Variants in LRBA observed in about 807,000 individuals in gnomAD.
LRBA encodes LPS responsive beige-like anchor protein.
In LRBA, 176 loss-of-function variants were observed where a neutral mutation model predicts 330.0. The observed-to-expected ratio is 0.53, with a 90% CI of 0.47 to 0.60. LRBA has a LOEUF of 0.60. Among genes scored for constraint, LRBA ranks in the 20% least tolerant of loss-of-function variants. The pLI is 0.00. For synonymous variants in LRBA, 1,230 were observed against 1,193.0 expected, an observed-to-expected ratio of 1.03 and a Z score of -0.64; for missense variants, 3,259 against 3,444.8, an observed-to-expected ratio of 0.95 and a Z score of 1.35.
chr4:150,914,192 T>C lies in LRBA; in HGVS notation c.1161+3A>G. 6.2e-7 allele frequency: 1 copy of C among 1,600,938 alleles called. No individual in the cohort carries two copies. ...GTTAAGCACAAAACAGTAAGCAAAC[T>C]ACCTTGTATCCCAGGCCCAACTGAT... On this transcript the variant is annotated splice_donor_region_variant and intron_variant, in intron 9 of 56. Transcript: ENST00000651943.
rs574180436 is a variant in LRBA, at chr4:150,511,179, T to C, written c.6331-20144A>G. Among the ~76,000 whole-genome samples the C allele has an allele frequency of 1.4e-3, 219 of 152,160 alleles. 1 individual carries two copies. Among genetic ancestry groups the C allele is most frequent in the African/African-American group, 4.9e-3 (202 of 41,502 alleles). On this transcript the variant is annotated intron_variant, in intron 40 of 56. Coordinates refer to ENST00000651943, the MANE Select transcript of LRBA (RefSeq NM_001364905.1). Reference sequence around the variant, plus strand: ...GGCCTAACCTCTCAAATTCAACACATCCAAAAACGAACTCACTACCACCCC... The same window carrying C: ...GGCCTAACCTCTCAAATTCAACACACCCAAAAACGAACTCACTACCACCCC...
In LRBA at chr4:150,871,362, A is replaced by G. The variant is rs746397423; in HGVS notation, c.2350T>C (p.Tyr784His). ...LQTNLITMTT[Y>H]NVLFEILIEQ... Reference sequence around the variant, plus strand: ...ATTCCTACCTCAAACAGCACATTATATGTGGTCATTGTGATTAAATTTGTC... The same window carrying G: ...ATTCCTACCTCAAACAGCACATTATGTGTGGTCATTGTGATTAAATTTGTC... The change falls in exon 19 of 57, where the codon TAT (tyrosine) becomes CAT (histidine). Residue 784 changes from tyrosine (Y) to histidine (H), a missense_variant. Tyr to His is a moderately conservative substitution (Grantham distance 83). Coordinates refer to ENST00000651943, the MANE Select transcript of LRBA (RefSeq NM_001364905.1). 1.2e-6 allele frequency: 2 copies of G among 1,605,516 alleles called. No individual in the cohort carries two copies. The highest frequency in any genetic ancestry group is 2.7e-5 in the African/African-American group (2 of 74,794).
chr4:150,707,038 C>T (rs770438134), intron 36 of LRBA, among the ~76,000 whole-genome samples: 5 of 151,586 alleles, frequency 3.3e-5, no homozygotes, highest in Non-Finnish European at 7.4e-5. Context: ...AAATACAGAA[C>T]ATTATTTATA....
In LRBA at chr4:150,607,818, C is replaced by T. The variant is rs570553673; in HGVS notation, c.5922-8687G>A. Among the ~76,000 whole-genome samples the T allele has an allele frequency of 1.3e-4, 20 of 151,896 alleles. No homozygotes were observed. The East Asian group carries it at 3.7e-3, about 28-fold the overall frequency. ...TTGGGAGGCTGAGGCGGGCGGATCA[C>T]GAGGTCAGGAGTTTGAGACCAGCCT... On this transcript the variant is annotated intron_variant, in intron 37 of 56. Coordinates refer to ENST00000651943, the MANE Select transcript of LRBA (RefSeq NM_001364905.1).
At chr4:150,451,931 T>C (rs1309953151) in intron 44 of LRBA, among the ~76,000 whole-genome samples, 2 of 152,190 alleles carry the variant, frequency 1.3e-5, no homozygotes, top group African/African-American at 4.8e-5. Flanking sequence ...TTCAAAGTTT[T>C]ACAAAAAAAC....
intron 37 of LRBA, among the ~76,000 whole-genome samples, chr4:150,602,126 T>G (rs903959046): frequency 6.6e-6 from 1 of 152,186 alleles, no homozygotes; most frequent in Non-Finnish European, 1.5e-5. Flanking sequence ...CACAATCCAG[T>G]TACAACACAA....
chr4:150,710,760 C>T (rs934649901), intron 36 of LRBA, among the ~76,000 whole-genome samples: 3 of 152,030 alleles, frequency 2.0e-5, no homozygotes, highest in Non-Finnish European at 2.9e-5. Flanking sequence ...TGCTTTACCT[C>T]CTACAGCTAT....
At chr4:150,464,399 G>A (rs1755172567) in intron 44 of LRBA, among the ~76,000 whole-genome samples, 1 of 151,976 alleles carries the variant, frequency 6.6e-6, no homozygotes, top group Non-Finnish European at 1.5e-5. Flanking sequence ...GGATTAAAGA[G>A]CTGCCCAGTT....
intron 53 of LRBA, among the ~76,000 whole-genome samples, chr4:150,287,179 A>C (rs944035972): frequency 1.3e-5 from 2 of 152,184 alleles, no homozygotes; most frequent in African/African-American, 4.8e-5. Flanking sequence ...TCTTAACCCC[A>C]GACACCTGAC....
At chr4:150,735,728 C>G (rs1477612810) in intron 35 of LRBA, among the ~76,000 whole-genome samples, 2 of 152,164 alleles carry the variant, frequency 1.3e-5, no homozygotes, top group Non-Finnish European at 2.9e-5. Flanking sequence ...TGACTTTTTA[C>G]ATTAAGGCAT....
intron 46 of LRBA, among the ~76,000 whole-genome samples, chr4:150,419,633 CTTTTTTTT>C (rs780382905): frequency 2.1e-5 from 2 of 96,990 alleles, no homozygotes; most frequent in Non-Finnish European, 4.0e-5. Flanking sequence ...CTGATAATAT[CTTTTTTTT>C]TTTTTTTTTT....
intron 55 of LRBA, among the ~76,000 whole-genome samples, 188 bp downstream of exon 55, chr4:150,282,262 C>G (rs964432679): frequency 1.3e-5 from 2 of 152,246 alleles, no homozygotes; most frequent in African/African-American, 4.8e-5. Context: ...GTCAGCACAG[C>G]TGGCACTGCT....
intron 2 of LRBA, among the ~76,000 whole-genome samples, chr4:150,971,520 A>C (rs749703422): frequency 4.6e-5 from 7 of 152,202 alleles, no homozygotes; most frequent in Non-Finnish European, 1.0e-4. Flanking sequence ...AAGTTCAATA[A>C]TTGCAAAAGG....
chr4:150,472,389 CTG>C (rs1454816882), intron 42 of LRBA, among the ~76,000 whole-genome samples: 2 of 152,026 alleles, frequency 1.3e-5, no homozygotes, highest in Non-Finnish European at 2.9e-5. Context: ...GAGAAATAGG[CTG>C]TCACAGTTCT....
intron 38 of LRBA, among the ~76,000 whole-genome samples, chr4:150,596,849 A>G (rs1224987231): frequency 6.6e-6 from 1 of 151,572 alleles, no homozygotes; most frequent in African/African-American, 2.4e-5. Context: ...TGCTGAATTT[A>G]TTCCCTTTTT....
At chr4:150,810,887 T>C (rs1312077321) in intron 31 of LRBA, among the ~76,000 whole-genome samples, 5 of 152,158 alleles carry the variant, frequency 3.3e-5, no homozygotes, top group Non-Finnish European at 5.9e-5. Context: ...TAGGTGTGAG[T>C]CACCATGCCC....
intron 37 of LRBA, among the ~76,000 whole-genome samples, chr4:150,649,568 A>G (rs1172412095): frequency 6.6e-6 from 1 of 152,128 alleles, no homozygotes; most frequent in Non-Finnish European, 1.5e-5. Flanking sequence ...CAATAGCCCT[A>G]CCCTTCCTAA....
At chr4:150,829,537 A>G (rs527952590) in intron 29 of LRBA, among the ~76,000 whole-genome samples, 2 of 152,220 alleles carry the variant, frequency 1.3e-5, no homozygotes, top group East Asian at 1.9e-4. Flanking sequence ...ATTCCCTCCA[A>G]CTAGACAATG....
intron 43 of LRBA, among the ~76,000 whole-genome samples, chr4:150,469,607 T>G (rs777680318): frequency 2.6e-5 from 4 of 152,186 alleles, no homozygotes; most frequent in Non-Finnish European, 5.9e-5. Flanking sequence ...AACATAACCA[T>G]TGACATTTTC....
Sources: gnomAD v4.1 joint callset for allele counts (sites outside exome capture counted in the v4.1 genomes callset) on GRCh38, gnomAD v4.1.1 for gene constraint, MANE v1.5 for transcripts, NCBI Gene and HGNC (gene_info 2026-07-23, HGNC 2026-07-21) for gene names.